ZBTB38: variants seen among roughly 807,000 people sequenced by gnomAD.
The protein encoded by ZBTB38 is zinc finger and BTB domain-containing protein 38.
Under a neutral mutation model 76.8 loss-of-function variants are expected in ZBTB38, and 20 were observed. The observed-to-expected ratio is 0.26, with a 90% CI of 0.18 to 0.38. The LOEUF (loss-of-function observed/expected upper bound fraction) is 0.38, where lower values mean the gene tolerates loss of function less well. Ranked by LOEUF, ZBTB38 falls within the 10% of genes least tolerant of loss-of-function variation. The pLI, the probability that ZBTB38 is intolerant of heterozygous loss-of-function variation, is 1.00. For synonymous variants in ZBTB38, 504 were observed against 544.2 expected, an observed-to-expected ratio of 0.93 and a Z score of 1.03; for missense variants, 1,082 against 1,482.3, an observed-to-expected ratio of 0.73 and a Z score of 4.43.
chr3:141,381,586 C>T (rs1269732360), intron 3 of ZBTB38, 99 bp downstream of exon 3: 2 of 152,228 alleles, frequency 1.3e-5, no homozygotes, highest in Non-Finnish European at 2.9e-5. Flanking sequence ...GTTCAGAATC[C>T]TCAAGCATAT....
chr3:141,339,749 A>T (rs371173856), intron 1 of ZBTB38, among the ~76,000 whole-genome samples: 23 of 152,288 alleles, frequency 1.5e-4, no homozygotes, highest in African/African-American at 5.1e-4. Context: ...GTGGGGAATC[A>T]AGAATTCTAT....
At chr3:141,437,570 G>A (rs548641821) in intron 5 of ZBTB38, among the ~76,000 whole-genome samples, 1 of 152,312 alleles carries the variant, frequency 6.6e-6, no homozygotes, top group South Asian at 2.1e-4. Context: ...GAAATAAGGT[G>A]CTCCTCTGGA....
rs377023098 is a variant in ZBTB38 at position 141,443,101 on chromosome 3, G to A, written c.713G>A (p.Arg238His). 1.4e-3 allele frequency: 2,276 copies of A among 1,614,230 alleles called. 38 individuals are homozygous for A. The South Asian group carries it at 0.021, about 15-fold the overall frequency. ...VAEAYRSQPV[R>H]EHDGSSPGNT... Reference sequence around the variant, plus strand: ...GAAGCTTACAGAAGTCAGCCTGTACGTGAACATGATGGCAGTTCACCTGGT... The same window carrying A: ...GAAGCTTACAGAAGTCAGCCTGTACATGAACATGATGGCAGTTCACCTGGT... Residue 238 changes from arginine (R) to histidine (H), a missense_variant, in exon 6 of 6, where the codon CGT (arginine) becomes CAT (histidine). Physicochemically the swap from Arg to His is conservative, Grantham distance 29. Transcript: ENST00000321464. This position sits in a 1 kb window ranked among gnomAD's most constrained non-coding sequence, Gnocchi z 5.6.
At chr3:141,370,008 T>A (rs1944299099) in intron 2 of ZBTB38, 62 bp downstream of exon 2, 2 of 152,216 alleles carry the variant, frequency 1.3e-5, no homozygotes, top group South Asian at 4.1e-4. Context: ...CCTTTTTTAG[T>A]TTGTGGTAAG....
rs189731965 is a variant in ZBTB38, at chr3:141,380,557, C to T, written c.-234-868C>T. On this transcript the variant is annotated intron_variant, in intron 2 of 5. Transcript: ENST00000321464. Reference sequence around the variant, plus strand: ...ACTGGTAGTGGTAGAGAAAGGACTCCGGAGTTTGATGTTGGTGAGTCCAAA... The same window carrying T: ...ACTGGTAGTGGTAGAGAAAGGACTCTGGAGTTTGATGTTGGTGAGTCCAAA... Among the ~76,000 whole-genome samples the T allele has an allele frequency of 1.3e-3, 198 of 152,270 alleles. 1 individual carries two copies. Among genetic ancestry groups the T allele is most frequent in the South Asian group, 4.1e-4 (2 of 4,824 alleles).
chr3:141,328,671 G>A (rs369298788), intron 1 of ZBTB38, among the ~76,000 whole-genome samples: 11 of 152,078 alleles, frequency 7.2e-5, no homozygotes, highest in Middle Eastern at 3.4e-3. Flanking sequence ...CACACAGAGC[G>A]TCTCTAAAAC....
intron 1 of ZBTB38, among the ~76,000 whole-genome samples, 191 bp downstream of exon 1, chr3:141,368,995 CAAAAAAAA>C (rs887674425): frequency 1.2e-5 from 1 of 84,544 alleles, no homozygotes; most frequent in African/African-American, 4.7e-5. Flanking sequence ...GAAAAGAATG[CAAAAAAAA>C]AAAAAAAAAA....
intron 5 of ZBTB38, among the ~76,000 whole-genome samples, chr3:141,412,823 A>G (rs1957107186): frequency 6.6e-6 from 1 of 151,552 alleles, no homozygotes; most frequent in Non-Finnish European, 1.5e-5. Context: ...TTTTATCTGA[A>G]CCATTGTTCA....
intron 4 of ZBTB38, chr3:141,402,902 A>G (rs1026749716): frequency 1.6e-4 from 24 of 152,242 alleles, no homozygotes; most frequent in Non-Finnish European, 1.8e-4. Context: ...TCCTGACCCT[A>G]TGGGAACTTG....
chr3:141,388,749 G>C (rs1947900025), intron 4 of ZBTB38: 1 of 152,104 alleles, frequency 6.6e-6, no homozygotes, highest in African/African-American at 2.4e-5. Flanking sequence ...ATCTGAACTG[G>C]TTTTAGATGG....
At chr3:141,357,871 A>T (rs1159967946) in intron 1 of ZBTB38, among the ~76,000 whole-genome samples, 1 of 152,212 alleles carries the variant, frequency 6.6e-6, no homozygotes, top group Non-Finnish European at 1.5e-5. Flanking sequence ...CCCTTAATTA[A>T]CACCACCTAA....
chr3:141,325,669 C>T (rs1576622710), intron 1 of ZBTB38, among the ~76,000 whole-genome samples: 1 of 152,190 alleles, frequency 6.6e-6, no homozygotes, highest in African/African-American at 2.4e-5. Flanking sequence ...TTAACACCAG[C>T]TTTGCAAAGA....
At chr3:141,423,689 C>T (rs910140007) in intron 5 of ZBTB38, among the ~76,000 whole-genome samples, 5 of 152,192 alleles carry the variant, frequency 3.3e-5, no homozygotes, top group Non-Finnish European at 7.3e-5. Context: ...TCAAGGGAAG[C>T]TTGAACCAAA....
chr3:141,411,451 CA>C (rs1198991206), intron 5 of ZBTB38, among the ~76,000 whole-genome samples: 1 of 152,226 alleles, frequency 6.6e-6, no homozygotes, highest in African/African-American at 2.4e-5. Flanking sequence ...AAGAGATTTA[CA>C]GTGGTTACAG....
chr3:141,409,835 G>A (rs34544234), intron 5 of ZBTB38, among the ~76,000 whole-genome samples: 4,053 of 152,272 alleles, frequency 0.027, 82 homozygotes, highest in Non-Finnish European at 0.039. Flanking sequence ...GCTCCTTGGG[G>A]GATTGCCCAG....
chr3:141,445,399 A>T lies in ZBTB38; in HGVS notation c.3011A>T (p.His1004Leu). 1.2e-6 allele frequency: 2 copies of T among 1,614,180 alleles called. No homozygotes were observed. The highest frequency in any genetic ancestry group is 1.7e-6 in the Non-Finnish European group (2 of 1,180,030). The change falls in exon 6 of 6, where the codon CAT (histidine) becomes CTT (leucine). Residue 1004 changes from histidine (H) to leucine (L), a missense_variant. His to Leu is a moderately conservative substitution (Grantham distance 99). This residue lies in a region of ZBTB38 where 471 missense variants were observed against 581.0 expected (regional missense o/e 0.81). Transcript: ENST00000321464. The surrounding 1 kb of genome is among the most constrained non-coding windows in gnomAD (Gnocchi z 6.5). ...GGAAACCAAGGAAGGCCCCACCGAC[A>T]TCTTACTTCTCGGCCATATGCCTGC... ...GAGNQGRPHR[H>L]LTSRPYACEL...
chr3:141,398,037 G>A (rs1247529154), intron 4 of ZBTB38, among the ~76,000 whole-genome samples: 3 of 152,300 alleles, frequency 2.0e-5, no homozygotes. Flanking sequence ...CCGATAAAGT[G>A]GAGTGCAATA....
At chr3:141,384,084 A>G (rs1169549564) in intron 3 of ZBTB38, among the ~76,000 whole-genome samples, 1 of 152,268 alleles carries the variant, frequency 6.6e-6, no homozygotes, top group Non-Finnish European at 1.5e-5. Flanking sequence ...ACTATAGTTC[A>G]CATTTGTTTA....
chr3:141,393,029 CA>C (rs1411767770), intron 4 of ZBTB38, among the ~76,000 whole-genome samples: 1 of 152,204 alleles, frequency 6.6e-6, no homozygotes, highest in African/African-American at 2.4e-5. Context: ...GCTTCTGCAG[CA>C]ATTCCTGCTC....
Sources: gnomAD v4.1 joint callset for allele counts (sites outside exome capture counted in the v4.1 genomes callset) on GRCh38, gnomAD v4.1.1 for gene constraint, gnomAD v4.1.1 regional missense constraint, Gnocchi (gnomAD v3.1) non-coding constraint, MANE v1.5 for transcripts, NCBI Gene and HGNC (gene_info 2026-07-23, HGNC 2026-07-21) for gene names.